CA5B: variants seen among roughly 807,000 people sequenced by gnomAD.
CA5B encodes the protein carbonic anhydrase 5B, also known as carbonic anhydrase 5B, mitochondrial.
Under a neutral mutation model 23.1 loss-of-function variants are expected in CA5B, and 15 were observed. The ratio of observed to expected loss-of-function variants is 0.65; its 90% CI spans 0.43 to 1.00. The LOEUF is 1.00. Among genes scored for constraint, CA5B ranks in the 50% least tolerant of loss-of-function variants. The pLI is 0.00. For missense variants in CA5B, 236 were observed against 252.2 expected, an observed-to-expected ratio of 0.94 and a Z score of 0.43; for synonymous variants, 84 against 98.5, an observed-to-expected ratio of 0.85 and a Z score of 0.87.
At position 15,775,316 on chromosome X, in the gene CA5B, T is replaced by A; in HGVS notation, c.618+8T>A. On this transcript the variant is annotated splice_region_variant and intron_variant, in intron 6 of 7. Transcript: ENST00000318636. Reference sequence around the variant, plus strand: ...CCGTCAATTAAGCATAAGGTACTATTTGTTTTCCTTAATTACTTGAAATAT... The same window carrying A: ...CCGTCAATTAAGCATAAGGTACTATATGTTTTCCTTAATTACTTGAAATAT... The A allele has an allele frequency of 3.4e-6, 4 of 1,188,592 alleles. No homozygotes were observed. Among genetic ancestry groups the A allele is most frequent in the Non-Finnish European group, 4.5e-6 (4 of 881,148 alleles).
chrX:15,776,337 T>C (rs1160063334), intron 6 of CA5B, among the ~76,000 whole-genome samples: 2 of 38,288 alleles, frequency 5.2e-5, no homozygotes, highest in African/African-American at 2.2e-4. Flanking sequence ...AGACTCTGTC[T>C]CAAAAAAAAA....
rs1280352336 is a variant in CA5B at position 15,750,050 on chromosome X, C to T, written c.27C>T (p.Val9=). The T allele has an allele frequency of 8.3e-7, 1 of 1,207,637 alleles. No homozygotes were observed. Among genetic ancestry groups the T allele is most frequent in the Non-Finnish European group, 1.1e-6 (1 of 892,975 alleles). Residue 9 remains valine (V), a synonymous_variant, in exon 2 of 8, where the codon GTC becomes GTT. Coordinates refer to ENST00000318636, the MANE Select transcript of CA5B (RefSeq NM_007220.4). ...TGGTGGTGATGAACAGCCTGAGGGT[C>T]ATTCTTCAAGCCTCTCCAGGCAAAT... MVVMNSLR[V]ILQASPGKLL...
chrX:15,756,579 G>A (rs1931490397), intron 2 of CA5B, among the ~76,000 whole-genome samples: 1 of 112,430 alleles, frequency 8.9e-6, no homozygotes, highest in Non-Finnish European at 1.9e-5. Context: ...ATTTCTATAA[G>A]TGTTAAGGAA....
intron 2 of CA5B, among the ~76,000 whole-genome samples, chrX:15,752,703 C>T (rs771176692): frequency 1.1e-3 from 116 of 102,864 alleles, no homozygotes; most frequent in African/African-American, 3.4e-3. Flanking sequence ...CCAGCCTGGG[C>T]GACAGAGCGA....
rs1327647542 is a variant in CA5B, at chrX:15,785,225, TAGC to T, written c.*2566_*2568del. ...AGAGATATTTGTACACCCATGTTCA[TAGC>T]AGCATTATTCACAATAGCCAAGAGG... On this transcript the variant is annotated 3_prime_UTR_variant, in exon 8 of 8. Transcript: ENST00000318636. 1 of 112,285 alleles carries T rather than the reference TAGC, an allele frequency of 8.9e-6. No homozygotes were observed. Among genetic ancestry groups the T allele is most frequent in the Non-Finnish European group, 1.9e-5 (1 of 53,286 alleles). 9.3% of individuals were successfully genotyped at this position (112,285 alleles called of 1,213,427 possible).
In CA5B at chrX:15,764,718, G is replaced by A. The variant is rs199559263; in HGVS notation, c.283G>A (p.Val95Ile). Residue 95 changes from valine to isoleucine, a missense_variant, in exon 3 of 8, where the codon GTC (valine) becomes ATC (isoleucine). Coordinates refer to ENST00000318636, the MANE Select transcript of CA5B (RefSeq NM_007220.4). ...TTATGACCCAGCCACCTGCCTCCAC[G>A]TCTGGAATAATGGGTACTCTTTCCT... The part of the protein sequence containing the change: ...ISYDPATCLH[V>I]WNNGYSFLVE... 2.5e-6 allele frequency: 3 copies of A among 1,178,610 alleles called. No individual in the cohort carries two copies. Among genetic ancestry groups the A allele is most frequent in the Admixed American group, 2.3e-5 (1 of 42,898 alleles).
Position 15,752,987 on chromosome X carries a change from G to GC in CA5B, c.142+2829dup, listed in dbSNP as rs201070875. Among the ~76,000 whole-genome samples the GC allele has an allele frequency of 9.1e-3, 1,005 of 110,854 alleles. 11 individuals carry two copies. Among genetic ancestry groups the GC allele is most frequent in the East Asian group, 0.057 (200 of 3,516 alleles). On this transcript the variant is annotated intron_variant, in intron 2 of 7. Coordinates refer to ENST00000318636, the MANE Select transcript of CA5B (RefSeq NM_007220.4). ...GTTTAAATTTACCTATAGCGTAGAA[G>GC]CCCCCCCAACCCCCACCCCAGCTTT...
intron 7 of CA5B, among the ~76,000 whole-genome samples, chrX:15,777,442 A>T (rs1485274178): frequency 4.6e-4 from 51 of 111,893 alleles, no homozygotes; most frequent in Non-Finnish European, 7.5e-5. Flanking sequence ...TGGGATTTTT[A>T]TTGATTATAA....
intron 2 of CA5B, among the ~76,000 whole-genome samples, chrX:15,761,993 C>A (rs947826853): frequency 8.9e-6 from 1 of 111,957 alleles, no homozygotes; most frequent in African/African-American, 3.2e-5. Context: ...TACGGTCAGG[C>A]GCAGTGGTTT....
At chrX:15,756,795 C>G (rs1193021993) in intron 2 of CA5B, among the ~76,000 whole-genome samples, 1 of 111,803 alleles carries the variant, frequency 8.9e-6, no homozygotes, top group Non-Finnish European at 1.9e-5. Context: ...TGGCTCATGC[C>G]TGTAATCCCA....
chrX:15,764,966 T>A, intron 3 of CA5B, 191 bp downstream of exon 3: 1 of 556,942 alleles, frequency 1.8e-6, no homozygotes, highest in Non-Finnish European at 2.8e-6. Flanking sequence ...CTTCAACTAG[T>A]ATAGGTAGTA....
chrX:15,751,082 T>C (rs1254811255), intron 2 of CA5B, among the ~76,000 whole-genome samples: 1 of 112,361 alleles, frequency 8.9e-6, no homozygotes, highest in Non-Finnish European at 1.9e-5. Flanking sequence ...TGTGAACAGA[T>C]AACTTTGAGT....
chrX:15,782,892 T>C lies in CA5B; in HGVS notation c.*228T>C, dbSNP rs1932050758. The C allele has an allele frequency of 3.2e-6, 1 of 317,067 alleles. No individual in the cohort carries two copies. Among genetic ancestry groups the C allele is most frequent in the African/African-American group, 2.8e-5 (1 of 36,203 alleles). 26.1% of individuals were successfully genotyped at this position (317,067 alleles called of 1,213,427 possible). On this transcript the variant is annotated 3_prime_UTR_variant, in exon 8 of 8. Coordinates refer to ENST00000318636, the MANE Select transcript of CA5B (RefSeq NM_007220.4). ...GTAATTGTAATGCCTTTTTTTTTTC[T>C]TTAAGAGACTAGGTCTTGCTCTGCT...
intron 7 of CA5B, among the ~76,000 whole-genome samples, chrX:15,781,299 A>G (rs978253101): frequency 2.3e-4 from 26 of 111,565 alleles, no homozygotes; most frequent in African/African-American, 8.5e-4. Flanking sequence ...TTCATAACAC[A>G]ATTGGGTCTG....
rs1932151498 is a variant in CA5B at position 15,788,280 on chromosome X, CTAA to C, written c.*5618_*5620del. ...CTTGAGGGGTCAGGAAGTTTTCACA[CTAA>C]TGATGATGGTGATGAGATGATGTAA... On this transcript the variant is annotated 3_prime_UTR_variant, in exon 8 of 8. Transcript: ENST00000318636. The C allele has an allele frequency of 8.9e-6, 1 of 111,950 alleles. No individual in the cohort carries two copies. The highest frequency in any genetic ancestry group is 3.7e-4 in the South Asian group (1 of 2,691). The allele number at this position is 111,950 out of a possible 1,213,427, so 9.2% of individuals were successfully genotyped here. A position where few individuals can be genotyped will look rare whatever the true frequency, so the allele number is the denominator to read the frequency against.
rs147578485 is a variant in CA5B at position 15,776,653 on chromosome X, T to C, written c.619-61T>C. On this transcript the variant is annotated intron_variant, in intron 6 of 7. Coordinates refer to ENST00000318636, the MANE Select transcript of CA5B (RefSeq NM_007220.4). ...CTCCCTGAGAACCGTCACCTCGGCG[T>C]CCAATTCCTGAGTGGTTTTCACTAC... The C allele has an allele frequency of 5.7e-3, 5,491 of 959,513 alleles. 144 individuals are homozygous for C. In the African/African-American group the frequency reaches 0.088, roughly 15 times the overall value. The allele number at this position is 959,513 out of a possible 1,213,427, so 79.1% of individuals were successfully genotyped here. A position where few individuals can be genotyped will look rare whatever the true frequency, so the allele number is the denominator to read the frequency against.
At chrX:15,767,558 C>T (rs1465881242) in intron 3 of CA5B, among the ~76,000 whole-genome samples, 3 of 109,790 alleles carry the variant, frequency 2.7e-5, no homozygotes, top group South Asian at 3.9e-4. Context: ...TGTGCCACCA[C>T]GCTCGGCTAA....
intron 2 of CA5B, among the ~76,000 whole-genome samples, chrX:15,761,091 A>G (rs1233034173): frequency 8.9e-6 from 1 of 111,953 alleles, no homozygotes; most frequent in African/African-American, 3.2e-5. Flanking sequence ...AAAATTACTA[A>G]ACATTTTTAG....
At chrX:15,741,446 C>T (rs1172824624) in intron 1 of CA5B, among the ~76,000 whole-genome samples, 1 of 107,673 alleles carries the variant, frequency 9.3e-6, no homozygotes, top group Non-Finnish European at 1.9e-5. Flanking sequence ...TCTTTCCCTT[C>T]CCTGTTTCTC....
Sources: allele counts gnomAD v4.1 joint callset (sites outside exome capture counted in the v4.1 genomes callset), GRCh38; gene constraint gnomAD v4.1.1; transcripts MANE v1.5; gene names NCBI Gene and HGNC (gene_info 2026-07-23, HGNC 2026-07-21).